The following GALNT13 variants were observed in gnomAD, a reference collection of about 807,000 sequenced individuals.
GALNT13 encodes polypeptide N-acetylgalactosaminyltransferase 13, also known as UDP-GalNAc:polypeptide N-acetylgalactosaminyltransferase 13.
A neutral mutation model predicts 64.2 loss-of-function variants in GALNT13; 28 were observed. The ratio of observed to expected loss-of-function variants is 0.44; its 90% CI spans 0.32 to 0.60. GALNT13 has a LOEUF of 0.60. GALNT13 is among the 20% of genes least tolerant of loss of function. The pLI is 0.05. For synonymous variants in GALNT13, 214 were observed against 224.6 expected (o/e 0.95, Z 0.42); for missense variants, 577 against 669.8 (o/e 0.86, Z 1.53).
chr2:154,433,271 C>T (rs1040345337), intron 11 of GALNT13, among the ~76,000 whole-genome samples: 1 of 152,018 alleles, frequency 6.6e-6, no homozygotes, highest in African/African-American at 2.4e-5. Context: ...AGCCTGCCTC[C>T]CAGAGTTTTC....
At chr2:153,727,692 T>A in the GALNT13 span, among the ~76,000 whole-genome samples, 1 of 152,196 alleles carries the variant, frequency 6.6e-6, no homozygotes, top group East Asian at 1.9e-4. Context: ...TTTCACCTTA[T>A]GTTTCTTAAT....
At chr2:153,564,384 G>A in the GALNT13 span, among the ~76,000 whole-genome samples, 1 of 151,950 alleles carries the variant, frequency 6.6e-6, no homozygotes, top group Non-Finnish European at 1.5e-5. Flanking sequence ...AGACATAGAG[G>A]AGAAGTGTAT....
chr2:154,152,303 G>C (rs181190039), intron 4 of GALNT13, among the ~76,000 whole-genome samples: 2 of 151,896 alleles, frequency 1.3e-5, no homozygotes, highest in African/African-American at 4.8e-5. Flanking sequence ...GAGATCCGCT[G>C]TTAGTCTGAT....
chr2:154,157,024 G>T (rs1428858933), intron 4 of GALNT13, among the ~76,000 whole-genome samples: 1 of 152,114 alleles, frequency 6.6e-6, no homozygotes, highest in Non-Finnish European at 1.5e-5. Context: ...CTTCAATGCT[G>T]TCCATCAGTC....
intron 9 of GALNT13, among the ~76,000 whole-genome samples, chr2:154,304,250 A>G (rs1693610890): frequency 2.0e-5 from 3 of 152,326 alleles, no homozygotes; most frequent in South Asian, 4.1e-4. Context: ...CATTTCATGC[A>G]TAGATGTATT....
In GALNT13 at chr2:154,398,461, T is replaced by C. The variant is rs184917443; in HGVS notation, c.1296+2331T>C. ...CTTTCTAAAATGTAAAAATAAAATA[T>C]AGTGTGGGCAAATTCCTTTGTACAA... is the stretch of plus-strand genomic sequence containing the variant. On this transcript the variant is annotated intron_variant, in intron 10 of 12. Transcript: ENST00000392825. Among the ~76,000 whole-genome samples, 12 of 152,328 alleles carry C rather than the reference T, an allele frequency of 7.9e-5. No homozygotes were observed. In the East Asian group the frequency reaches 9.6e-4, roughly 12 times the overall value.
chr2:153,104,410 C>T, the GALNT13 span, among the ~76,000 whole-genome samples: 21 of 152,128 alleles, frequency 1.4e-4, no homozygotes, highest in African/African-American at 5.1e-4. Context: ...TTTTGGATTT[C>T]TGACTTTACT....
the GALNT13 span, among the ~76,000 whole-genome samples, chr2:153,638,511 C>G: frequency 5.5e-4 from 15 of 27,476 alleles, 5 homozygotes; most frequent in Admixed American, 1.6e-3. Flanking sequence ...TGATAAAAAA[C>G]GGATGAAGTA....
At chr2:154,128,022 C>T (rs558593592) in intron 3 of GALNT13, among the ~76,000 whole-genome samples, 12 of 152,006 alleles carry the variant, frequency 7.9e-5, no homozygotes, top group Non-Finnish European at 1.5e-4. Context: ...AGTAAGTACA[C>T]ACGATATGCC....
At chr2:153,262,807 A>G in the GALNT13 span, among the ~76,000 whole-genome samples, 1 of 152,168 alleles carries the variant, frequency 6.6e-6, no homozygotes, top group South Asian at 2.1e-4. Context: ...ACCTCAAAAT[A>G]ATAAGAGCCA....
At chr2:153,395,068 C>T in the GALNT13 span, among the ~76,000 whole-genome samples, 1 of 152,184 alleles carries the variant, frequency 6.6e-6, no homozygotes, top group African/African-American at 2.4e-5. Flanking sequence ...CCTAGACACC[C>T]TCAGGTCCTT....
the GALNT13 span, among the ~76,000 whole-genome samples, chr2:153,236,315 G>A: frequency 6.6e-6 from 1 of 152,134 alleles, no homozygotes; most frequent in Non-Finnish European, 1.5e-5. Context: ...CATTGATGAA[G>A]GTGGCTACAC....
the GALNT13 span, among the ~76,000 whole-genome samples, chr2:153,392,041 TATATA>T: frequency 5.2e-4 from 77 of 148,510 alleles, 1 homozygote; most frequent in South Asian, 1.5e-3. Flanking sequence ...ATATGTGATT[TATATA>T]ATATATGTGA....
At chr2:154,424,755 C>T (rs1181796370) in intron 11 of GALNT13, among the ~76,000 whole-genome samples, 1 of 152,124 alleles carries the variant, frequency 6.6e-6, no homozygotes, top group Non-Finnish European at 1.5e-5. Flanking sequence ...GATAATTTAC[C>T]ATGTATTAGC....
chr2:153,622,037 A>G, the GALNT13 span, among the ~76,000 whole-genome samples: 1 of 152,148 alleles, frequency 6.6e-6, no homozygotes, highest in African/African-American at 2.4e-5. Context: ...ACTATAAAGG[A>G]AGCCCCAAAC....
intron 3 of GALNT13, among the ~76,000 whole-genome samples, chr2:153,951,874 T>A (rs1692210903): frequency 6.6e-6 from 1 of 152,172 alleles, no homozygotes; most frequent in South Asian, 2.1e-4. Flanking sequence ...GTCAGTATTA[T>A]CATTTTACAC....
chr2:153,689,101 T>TGTGTGTGTGTGTG, the GALNT13 span, among the ~76,000 whole-genome samples: 1 of 149,834 alleles, frequency 6.7e-6, no homozygotes, highest in Admixed American at 6.7e-5. Context: ...TGTGTGTGTG[T>TGTGTGTGTGTGTG]TTAGCGTTAG....
the GALNT13 span, among the ~76,000 whole-genome samples, chr2:153,206,288 T>C: frequency 6.6e-6 from 1 of 152,114 alleles, no homozygotes; most frequent in African/African-American, 2.4e-5. Flanking sequence ...GTGAAGTTAC[T>C]GATATATTGG....
At chr2:153,167,660 A>G in the GALNT13 span, among the ~76,000 whole-genome samples, 1 of 152,192 alleles carries the variant, frequency 6.6e-6, no homozygotes, top group Admixed American at 6.5e-5. Flanking sequence ...GCAATCGGAT[A>G]GTCTGGAGTT....
Sources: allele counts gnomAD v4.1 joint callset (sites outside exome capture counted in the v4.1 genomes callset), GRCh38; gene constraint gnomAD v4.1.1; transcripts MANE v1.5; gene names NCBI Gene and HGNC (gene_info 2026-07-23, HGNC 2026-07-21).